The following POLE2 variants were observed in gnomAD, a reference collection of about 807,000 sequenced individuals.
The protein encoded by POLE2 is DNA polymerase epsilon 2, accessory subunit, also known as DNA polymerase epsilon subunit 2.
POLE2 carries 56 observed loss-of-function variants against 79.4 expected under a neutral mutation model. The observed-to-expected ratio is 0.71, with a 90% CI of 0.57 to 0.88. The LOEUF (loss-of-function observed/expected upper bound fraction) is 0.88. Ranked by LOEUF, POLE2 falls within the 40% of genes least tolerant of loss-of-function variation. The pLI, the probability that POLE2 is intolerant of heterozygous loss-of-function variation, is 0.00. For synonymous variants in POLE2, 212 were observed against 214.0 expected, an observed-to-expected ratio of 0.99 and a Z score of 0.08; for missense variants, 598 against 638.9, an observed-to-expected ratio of 0.94 and a Z score of 0.69.
intron 17 of POLE2, among the ~76,000 whole-genome samples, chr14:49,649,052 T>A (rs1883989568): frequency 6.6e-6 from 1 of 151,974 alleles, no homozygotes; most frequent in Non-Finnish European, 1.5e-5. Flanking sequence ...GTGGAGATAA[T>A]ATTTTGTTTG....
chr14:49,647,191 T>C (rs576749173), intron 18 of POLE2, 102 bp downstream of exon 18: 6 of 663,252 alleles, frequency 9.0e-6, no homozygotes, highest in African/African-American at 3.8e-5. Context: ...TGGGCCACTG[T>C]AGACATTTTC....
Position 49,655,667 on chromosome 14 carries a change from C to T in POLE2, c.928+4G>A, listed in dbSNP as rs1400143024. ...CAAGAAAGAAGAAAAAAAATAAGAC[C>T]TACCAGCAAACATTATGCGAAGTTT... On this transcript the variant is annotated splice_donor_region_variant and intron_variant, in intron 11 of 18. Transcript: ENST00000216367. 1.9e-6 allele frequency: 3 copies of T among 1,598,498 alleles called. No individual in the cohort carries two copies. The highest frequency in any genetic ancestry group is 1.4e-5 in the African/African-American group (1 of 73,758).
intron 15 of POLE2, among the ~76,000 whole-genome samples, chr14:49,652,170 A>AAGGAGTAAAAGCT (rs1566531356): frequency 3.9e-4 from 4 of 10,132 alleles, no homozygotes; most frequent in Admixed American, 1.9e-3. Flanking sequence ...GAATACGGAG[A>AAGGAGTAAAAGCT]GGAGAATGGC....
chr14:49,663,559 C>T (rs750717255), intron 9 of POLE2, among the ~76,000 whole-genome samples, 172 bp from the exon 10 acceptor site: 23 of 152,168 alleles, frequency 1.5e-4, no homozygotes, highest in Non-Finnish European at 3.2e-4. Flanking sequence ...CAGAGAGTCT[C>T]AACTTATAAA....
At chr14:49,653,797 G>A (rs1594634324) in intron 15 of POLE2, 193 bp downstream of exon 15, 1 of 483,706 alleles carries the variant, frequency 2.1e-6, no homozygotes, top group African/African-American at 2.0e-5. Context: ...ACAGGCGCGT[G>A]CCACCAAGCC....
rs2139649625 is a variant in POLE2 at position 49,664,774 on chromosome 14, C to A, written c.634-100G>T. ...GGCTTCTAAATAATAAATTTAAAGA[C>A]TTCCCATTTGAAACTGTGAATAGAC... On this transcript the variant is annotated intron_variant, in intron 8 of 18. Coordinates refer to ENST00000216367, the MANE Select transcript of POLE2 (RefSeq NM_002692.4). The A allele has an allele frequency of 6.3e-6, 5 of 790,730 alleles. No homozygotes were observed. In the South Asian group the frequency reaches 7.7e-5, roughly 12 times the overall value. The allele number at this position is 790,730 out of a possible 1,614,324, so 49.0% of individuals were successfully genotyped here. A position where few individuals can be genotyped will look rare whatever the true frequency, so the allele number is the denominator to read the frequency against.
At chr14:49,650,582 C>T (rs1884147484) in intron 16 of POLE2, 141 bp from the exon 17 acceptor site, 5 of 463,184 alleles carry the variant, frequency 1.1e-5, no homozygotes, top group Non-Finnish European at 1.9e-5. Context: ...ACTCACAGAG[C>T]TTTGGGAGAC....
chr14:49,683,184 G>A (rs1018781940), intron 2 of POLE2, among the ~76,000 whole-genome samples: 9 of 152,144 alleles, frequency 5.9e-5, no homozygotes, highest in African/African-American at 1.7e-4. Context: ...GGTGGACTGC[G>A]TGAGCCCAGG....
chr14:49,678,883 C>T (rs969151040), intron 3 of POLE2, among the ~76,000 whole-genome samples: 6 of 152,110 alleles, frequency 3.9e-5, no homozygotes, highest in African/African-American at 1.4e-4. Context: ...TCTTGAACTC[C>T]TGACCTCAAG....
chr14:49,671,021 G>A (rs942815297), intron 5 of POLE2, among the ~76,000 whole-genome samples: 1 of 152,176 alleles, frequency 6.6e-6, no homozygotes, highest in African/African-American at 2.4e-5. Flanking sequence ...GTAGGATAAT[G>A]ATAACATCAG....
Position 49,688,158 on chromosome 14 carries a change from A to T in POLE2, c.46T>A (p.Leu16Met). 6.4e-7 allele frequency: 1 copy of T among 1,555,504 alleles called. No individual in the cohort carries two copies. The highest frequency in any genetic ancestry group is 2.5e-5 in the East Asian group (1 of 39,714). ...CACCCACGGAGCAGCAAGCCCCGCA[A>T]CTTGAAGGCGGAGAGCGCCCGGCTC... ...LRSRALSAFK[L>M]RGLLLRGEAI... The change falls in exon 1 of 19, where the codon TTG (leucine) becomes ATG (methionine). Residue 16 changes from leucine (L) to methionine (M), a missense_variant. By Grantham distance (15) the Leu-to-Met change is conservative (BLOSUM62 2). Coordinates refer to ENST00000216367, the MANE Select transcript of POLE2 (RefSeq NM_002692.4).
chr14:49,650,333 G>A lies in POLE2; in HGVS notation c.1429C>T (p.Leu477=). The A allele has an allele frequency of 6.2e-7, 1 of 1,611,512 alleles. No homozygotes were observed. Among genetic ancestry groups the A allele is most frequent in the Non-Finnish European group, 8.5e-7 (1 of 1,178,484 alleles). The change falls in exon 17 of 19, where the codon CTA becomes TTA. Residue 477 remains leucine, a synonymous_variant. Coordinates refer to ENST00000216367, the MANE Select transcript of POLE2 (RefSeq NM_002692.4). Reference sequence around the variant, plus strand: ...TCATATTTGTCTGCAATGACAAGTAGATCGGGCACAGGATACACTCTCAAA... The same window carrying A: ...TCATATTTGTCTGCAATGACAAGTAAATCGGGCACAGGATACACTCTCAAA... ...YALRVYPVPD[L]LVIADKYDPF...
chr14:49,649,520 G>A (rs890806307), intron 17 of POLE2, among the ~76,000 whole-genome samples: 16 of 150,920 alleles, frequency 1.1e-4, no homozygotes, highest in Non-Finnish European at 1.0e-4. Flanking sequence ...CGTGATCTCC[G>A]CTCACTGCAA....
chr14:49,644,192 TG>T (rs1290373530), intron 18 of POLE2, among the ~76,000 whole-genome samples: 4 of 149,266 alleles, frequency 2.7e-5, no homozygotes, highest in African/African-American at 7.4e-5. Context: ...AACAACTATA[TG>T]TCCTTTATAA....
In POLE2 at chr14:49,688,155, G is replaced by A. The variant is rs868116870; in HGVS notation, c.49C>T (p.Arg17Trp). 12 of 1,555,480 alleles carry A rather than the reference G, an allele frequency of 7.7e-6. No homozygotes were observed. The highest frequency in any genetic ancestry group is 9.5e-6 in the Non-Finnish European group (11 of 1,152,072). Residue 17 changes from arginine to tryptophan, a missense_variant, in exon 1 of 19, where the codon CGG becomes TGG. By Grantham distance (101) the Arg-to-Trp change is moderately radical. Coordinates refer to ENST00000216367, the MANE Select transcript of POLE2 (RefSeq NM_002692.4). ...RSRALSAFKLRGLLLRGEAIK... is the reference protein window; with the variant it reads ...RSRALSAFKLWGLLLRGEAIK... Reference sequence around the variant, plus strand: ...ACTCACCCACGGAGCAGCAAGCCCCGCAACTTGAAGGCGGAGAGCGCCCGG... The same window carrying A: ...ACTCACCCACGGAGCAGCAAGCCCCACAACTTGAAGGCGGAGAGCGCCCGG...
intron 10 of POLE2, 146 bp from the exon 11 acceptor site, chr14:49,655,989 A>G: frequency 1.8e-6 from 1 of 541,868 alleles, no homozygotes; most frequent in Non-Finnish European, 3.2e-6. Context: ...TACAAAGGTT[A>G]TCTAAATATT....
At chr14:49,661,615 T>C (rs1358844095) in intron 10 of POLE2, among the ~76,000 whole-genome samples, 1 of 152,146 alleles carries the variant, frequency 6.6e-6, no homozygotes, top group Non-Finnish European at 1.5e-5. Flanking sequence ...TGTAAATCTC[T>C]TTAGGATAGG....
intron 2 of POLE2, among the ~76,000 whole-genome samples, chr14:49,682,640 GAAAA>G (rs35984833): frequency 9.2e-4 from 56 of 60,976 alleles, no homozygotes; most frequent in African/African-American, 3.2e-3. Flanking sequence ...CCTTCTCAGG[GAAAA>G]AAAAAAAAAA....
At chr14:49,673,545 C>A (rs1427139841) in intron 5 of POLE2, among the ~76,000 whole-genome samples, 1 of 152,144 alleles carries the variant, frequency 6.6e-6, no homozygotes, top group Non-Finnish European at 1.5e-5. Flanking sequence ...CCATCATTTC[C>A]TTGAAGCCTT....
Sources: gnomAD v4.1 joint callset for allele counts (sites outside exome capture counted in the v4.1 genomes callset) on GRCh38, gnomAD v4.1.1 for gene constraint, MANE v1.5 for transcripts, NCBI Gene and HGNC (gene_info 2026-07-23, HGNC 2026-07-21) for gene names.